The following ADGRG1 variants were observed in gnomAD, a reference collection of about 807,000 sequenced individuals.
The protein encoded by ADGRG1 is adhesion G protein-coupled receptor G1, also known as 7-transmembrane protein with no EGF-like N-terminal domains-1.
Under a neutral mutation model 73.5 loss-of-function variants are expected in ADGRG1, and 53 were observed. That is an observed-to-expected ratio of 0.72 (90% CI 0.58 to 0.91). The LOEUF is 0.91. Ranked by LOEUF, ADGRG1 falls within the 40% of genes least tolerant of loss-of-function variation. The probability of loss-of-function intolerance (pLI) is 0.00; values close to 1 mark genes in which losing one functional copy is unlikely to be tolerated. For synonymous variants in ADGRG1, 394 were observed against 374.4 expected (o/e 1.05, Z -0.60); for missense variants, 795 against 871.8 (o/e 0.91, Z 1.11).
chr16:57,650,760 G>A (rs559529668), intron 2 of ADGRG1, among the ~76,000 whole-genome samples: 2 of 147,256 alleles, frequency 1.4e-5, no homozygotes, highest in South Asian at 4.3e-4. Flanking sequence ...CCAGGCTGGA[G>A]TGCAGTGGCG....
In ADGRG1 at chr16:57,655,418, T is replaced by C. The variant is rs771472440; in HGVS notation, c.788T>C (p.Met263Thr). The stretch of plus-strand genomic sequence containing the variant: ...CTGCAGGAGGAGCAGAGCGAGATCA[T>C]GGAGTACTCGGTGCTGCTGCCTCGA... ...SRQEEEQSEIMEYSVLLPRTL... is the reference protein window; with the variant it reads ...SRQEEEQSEITEYSVLLPRTL... Residue 263 changes from methionine to threonine, a missense_variant, in exon 6 of 14, where the codon ATG (methionine) becomes ACG (threonine). Coordinates refer to ENST00000562631, the MANE Select transcript of ADGRG1 (RefSeq NM_201525.4). The C allele has an allele frequency of 5.0e-6, 8 of 1,613,418 alleles. No homozygotes were observed. Among genetic ancestry groups the C allele is most frequent in the Admixed American group, 1.7e-5 (1 of 60,004 alleles).
chr16:57,637,589 C>G, intron 1 of ADGRG1: 1 of 985,436 alleles, frequency 1.0e-6, no homozygotes, highest in Non-Finnish European at 1.2e-6. Context: ...GAAGGTTTCA[C>G]CAGAGAACAG....
At chr16:57,663,343 A>G in intron 13 of ADGRG1, 109 bp from the exon 14 acceptor site, 1 of 1,554,270 alleles carries the variant, frequency 6.4e-7, no homozygotes, top group Non-Finnish European at 8.7e-7. Flanking sequence ...GTGCTTGGCA[A>G]ACACTATGGA....
chr16:57,660,945 G>A (rs1280616647), intron 12 of ADGRG1, 69 bp downstream of exon 12: 3 of 951,802 alleles, frequency 3.2e-6, no homozygotes, highest in Non-Finnish European at 5.1e-6. Flanking sequence ...TGCAGCCCGG[G>A]CCCAGGTCAT....
Position 57,655,312 on chromosome 16 carries a change from C to T in ADGRG1, c.769-87C>T, listed in dbSNP as rs540796644. 7.0e-5 allele frequency: 110 copies of T among 1,562,888 alleles called. 1 individual carries two copies. Among genetic ancestry groups the T allele is most frequent in the East Asian group, 1.1e-4 (5 of 43,508 alleles). On this transcript the variant is annotated intron_variant, in intron 5 of 13. Coordinates refer to ENST00000562631, the MANE Select transcript of ADGRG1 (RefSeq NM_201525.4). ...GCTTAGAAGTGGCAGCGTCCAGGAA[C>T]GGATGGGTGTGTGTGTGTGTGTGCT...
intron 1 of ADGRG1, among the ~76,000 whole-genome samples, chr16:57,644,519 C>T (rs2041839367): frequency 6.7e-6 from 1 of 149,314 alleles, no homozygotes; most frequent in Admixed American, 6.6e-5. Flanking sequence ...TGGGCACACA[C>T]ACTCATCACA....
intron 1 of ADGRG1, 157 bp downstream of exon 1, chr16:57,628,959 T>TGA (rs1214768670): frequency 0.036 from 21,269 of 588,676 alleles, 1,278 homozygotes; most frequent in African/African-American, 0.09. Flanking sequence ...TGTGAGAGTG[T>TGA]GTGAGTGTGA....
chr16:57,629,294 C>T, intron 1 of ADGRG1: 1 of 352,290 alleles, frequency 2.8e-6, no homozygotes. Flanking sequence ...GGAGCGACAC[C>T]TCCCGGGGCT....
intron 13 of ADGRG1, among the ~76,000 whole-genome samples, 178 bp downstream of exon 13, chr16:57,662,143 C>T (rs1457506967): frequency 6.6e-6 from 1 of 152,238 alleles, no homozygotes; most frequent in Non-Finnish European, 1.5e-5. Flanking sequence ...CTACTATGTG[C>T]AGGCCCTGTG....
At chr16:57,624,692 T>C, upstream of ADGRG1, 1 of 982,690 alleles carries the variant, frequency 1.0e-6, no homozygotes. Context: ...GTCTTCCTAC[T>C]CCCCCAGGCC....
At chr16:57,645,121 A>AC (rs61433492) in intron 1 of ADGRG1, 33,779 of 985,308 alleles carry the variant, frequency 0.034, 777 homozygotes, top group African/African-American at 0.11. Flanking sequence ...CTGCCGCCCG[A>AC]CCCCCTGGGC....
chr16:57,644,354 ACT>A (rs1331941183), intron 1 of ADGRG1: 43 of 236,838 alleles, frequency 1.8e-4, no homozygotes, highest in Non-Finnish European at 2.4e-4. Flanking sequence ...CTGATCACAC[ACT>A]CATGCACGGG....
At chr16:57,626,619 G>A (rs1243931281), upstream of ADGRG1, 2 of 985,336 alleles carry the variant, frequency 2.0e-6, no homozygotes, top group African/African-American at 3.5e-5. Flanking sequence ...TGGCCAGAGT[G>A]GCAGCTGGCT....
At chr16:57,633,642 T>C (rs144938091) in intron 1 of ADGRG1, 729 of 347,828 alleles carry the variant, frequency 2.1e-3, no homozygotes, top group Non-Finnish European at 2.5e-3. Context: ...GTCTTCCTAA[T>C]TGTAAACATG....
chr16:57,644,082 A>AAG, intron 1 of ADGRG1: 1 of 985,360 alleles, frequency 1.0e-6, no homozygotes, highest in Non-Finnish European at 1.2e-6. Flanking sequence ...AAACACCTGC[A>AAG]AGAGCCCTGC....
At chr16:57,637,591 A>G (rs761962285) in intron 1 of ADGRG1, 11 of 985,446 alleles carry the variant, frequency 1.1e-5, no homozygotes, top group Non-Finnish European at 1.2e-5. Context: ...AGGTTTCACC[A>G]GAGAACAGCA....
Position 57,651,245 on chromosome 16 carries a change from A to G in ADGRG1, c.110A>G (p.Gln37Arg), listed in dbSNP as rs2044009612. ...GHREDFRFCS[Q>R]RNQTHRSSLH... ...AGGGAAGACTTTCGCTTCTGCAGCC[A>G]GCGGAACCAGACACACAGGAGCAGC... Residue 37 changes from glutamine to arginine, a missense_variant, in exon 3 of 14, where the codon CAG becomes CGG. Transcript: ENST00000562631. 1.2e-6 allele frequency: 2 copies of G among 1,613,948 alleles called. No individual in the cohort carries two copies. Among genetic ancestry groups the G allele is most frequent in the African/African-American group, 1.3e-5 (1 of 74,880 alleles).
At chr16:57,635,899 T>C in intron 1 of ADGRG1, 1 of 985,364 alleles carries the variant, frequency 1.0e-6, no homozygotes, top group Non-Finnish European at 1.2e-6. Flanking sequence ...AGAGTGGCCC[T>C]GGAAGCATGG....
chr16:57,641,724 C>A lies in ADGRG1; in HGVS notation c.-35-8529C>A, dbSNP rs771148084. 9.7e-5 allele frequency: 19 copies of A among 196,800 alleles called. No homozygotes were observed. The highest frequency in any genetic ancestry group is 2.5e-3 in the Middle Eastern group (1 of 394). 12.2% of individuals were successfully genotyped at this position (196,800 alleles called of 1,614,324 possible). A position where few individuals can be genotyped will look rare whatever the true frequency, so the allele number is the denominator to read the frequency against. ...GGGATTACAGGTGTGTGCCACTATG[C>A]CCAGTAATTTTGTTTGTTTGTTTAG... On this transcript the variant is annotated intron_variant, in intron 1 of 13. Coordinates refer to ENST00000562631, the MANE Select transcript of ADGRG1 (RefSeq NM_201525.4).
Sources: allele counts gnomAD v4.1 joint callset (sites outside exome capture counted in the v4.1 genomes callset), GRCh38; gene constraint gnomAD v4.1.1; transcripts MANE v1.5; gene names NCBI Gene and HGNC (gene_info 2026-07-23, HGNC 2026-07-21).